Variants in RBFOX1 observed in about 807,000 individuals in gnomAD.
RBFOX1 encodes the protein RNA binding fox-1 homolog 1, also known as RNA binding protein fox-1 homolog 1.
Under a neutral mutation model 57.7 loss-of-function variants are expected in RBFOX1, and 8 were observed. The observed-to-expected ratio is 0.14, with a 90% CI of 0.08 to 0.25. The LOEUF (loss-of-function observed/expected upper bound fraction) is 0.25, where lower values mean the gene tolerates loss of function less well. RBFOX1 is among the 10% of genes least tolerant of loss of function. The pLI, the probability that RBFOX1 is intolerant of heterozygous loss-of-function variation, is 1.00. For synonymous variants in RBFOX1, 326 were observed against 222.4 expected (o/e 1.47, Z -4.15); for missense variants, 611 against 548.5 (o/e 1.11, Z -1.14).
intron 1 of RBFOX1, among the ~76,000 whole-genome samples, chr16:6,206,941 C>A (rs1008190457): frequency 6.6e-6 from 1 of 151,448 alleles, no homozygotes; most frequent in Non-Finnish European, 1.5e-5. Flanking sequence ...CCTTGTAATA[C>A]ACTTAATTCT....
At chr16:7,309,166 C>G (rs76587391) in intron 4 of RBFOX1, among the ~76,000 whole-genome samples, 6 of 152,128 alleles carry the variant, frequency 3.9e-5, no homozygotes, top group Non-Finnish European at 5.9e-5. Context: ...GGATGTCTTA[C>G]GTCGTAAATT....
At chr16:6,957,442 T>G (rs2082107233) in intron 3 of RBFOX1, among the ~76,000 whole-genome samples, 1 of 152,124 alleles carries the variant, frequency 6.6e-6, no homozygotes, top group Admixed American at 6.5e-5. Flanking sequence ...AAGGGGTGGA[T>G]TATTCATGCC....
At chr16:5,500,807 G>C (rs1026322743) in intron 2 of RBFOX1, among the ~76,000 whole-genome samples, 9 of 152,248 alleles carry the variant, frequency 5.9e-5, no homozygotes, top group Non-Finnish European at 1.2e-4. Flanking sequence ...GAGGCTAACT[G>C]GTCTCCCAGC....
At chr16:6,826,936 A>T (rs989080972) in intron 3 of RBFOX1, among the ~76,000 whole-genome samples, 1 of 152,150 alleles carries the variant, frequency 6.6e-6, no homozygotes, top group African/African-American at 2.4e-5. Flanking sequence ...TTTTGTGCAA[A>T]TGGAAGAAAT....
intron 1 of RBFOX1, among the ~76,000 whole-genome samples, chr16:5,283,205 T>G (rs556829564): frequency 6.6e-6 from 1 of 152,170 alleles, no homozygotes; most frequent in Non-Finnish European, 1.5e-5. Flanking sequence ...AGAAGATGTA[T>G]GGAAATGCCT....
chr16:7,218,079 C>G (rs112289109), intron 4 of RBFOX1, among the ~76,000 whole-genome samples: 17 of 149,770 alleles, frequency 1.1e-4, no homozygotes, highest in South Asian at 6.3e-4. Context: ...GTGTGTGCGT[C>G]TGTGTGTGTG....
At chr16:6,588,667 G>C (rs541249837) in intron 2 of RBFOX1, among the ~76,000 whole-genome samples, 1 of 152,116 alleles carries the variant, frequency 6.6e-6, no homozygotes, top group Non-Finnish European at 1.5e-5. Flanking sequence ...CAAAAAATGA[G>C]AAATGCACCT....
At chr16:6,982,725 G>A (rs1187512519) in intron 3 of RBFOX1, among the ~76,000 whole-genome samples, 7 of 152,164 alleles carry the variant, frequency 4.6e-5, no homozygotes, top group Non-Finnish European at 7.3e-5. Flanking sequence ...AGGTGCAGTG[G>A]CTCATGCCTG....
chr16:6,696,694 T>G (rs921408773), intron 3 of RBFOX1, among the ~76,000 whole-genome samples: 11 of 4,362 alleles, frequency 2.5e-3, no homozygotes, highest in Non-Finnish European at 7.4e-3. Context: ...TCAAAGGAGA[T>G]TTTTTTTTTC....
At chr16:6,579,028 C>G (rs577524212) in intron 2 of RBFOX1, among the ~76,000 whole-genome samples, 1 of 151,906 alleles carries the variant, frequency 6.6e-6, no homozygotes, top group Non-Finnish European at 1.5e-5. Flanking sequence ...CCTGTTTTCC[C>G]AAAACCTATG....
At chr16:7,690,636 C>T (rs867327694) in intron 14 of RBFOX1, among the ~76,000 whole-genome samples, 49 of 151,398 alleles carry the variant, frequency 3.2e-4, no homozygotes, top group Middle Eastern at 3.4e-3. Context: ...AGAGGCAGCC[C>T]CACTGTCCAG....
chr16:6,262,850 G>C (rs12445074), intron 1 of RBFOX1, among the ~76,000 whole-genome samples: 21,087 of 152,044 alleles, frequency 0.14, 2,435 homozygotes, highest in African/African-American at 0.31. Flanking sequence ...AACAAGGCAG[G>C]CCATCTCACA....
At chr16:5,829,693 C>G (rs1371051666) in intron 3 of RBFOX1, among the ~76,000 whole-genome samples, 3 of 152,062 alleles carry the variant, frequency 2.0e-5, no homozygotes, top group East Asian at 3.9e-4. Flanking sequence ...CGCAAGAGAA[C>G]AAAGGCATTG....
In RBFOX1 at chr16:5,536,422, A is replaced by G. The variant is rs1362406381; in HGVS notation, c.259-62480A>G. ...GCTAATTTTTGCATTTTTAGTAGAG[A>G]TGGGATTTCACCATGATTGGTCAGC... On this transcript the variant is annotated intron_variant, in intron 2 of 2. Transcript: ENST00000585867. Among the ~76,000 whole-genome samples, 3 of 151,538 alleles carry G rather than the reference A, an allele frequency of 2.0e-5. No homozygotes were observed. In the East Asian group the frequency reaches 5.8e-4, roughly 29 times the overall value.
intron 3 of RBFOX1, among the ~76,000 whole-genome samples, chr16:5,688,122 A>G (rs1441564903): frequency 6.6e-6 from 1 of 152,214 alleles, no homozygotes; most frequent in Non-Finnish European, 1.5e-5. Context: ...ATACTCTTGT[A>G]GTTCTAAGGA....
intron 3 of RBFOX1, among the ~76,000 whole-genome samples, chr16:6,935,873 A>G (rs1180251150): frequency 6.6e-6 from 1 of 152,132 alleles, no homozygotes. Context: ...GAAAGGAGGG[A>G]TGCTAGCCTG....
upstream of RBFOX1, among the ~76,000 whole-genome samples, chr16:6,017,449 G>T (rs555131814): frequency 2.6e-3 from 399 of 152,234 alleles, 1 homozygote; most frequent in South Asian, 0.01. Flanking sequence ...TGGGGGAAAT[G>T]ATTATGATGT....
intron 2 of RBFOX1, among the ~76,000 whole-genome samples, chr16:6,340,121 A>G (rs1223370425): frequency 6.6e-6 from 1 of 152,194 alleles, no homozygotes; most frequent in African/African-American, 2.4e-5. Context: ...TTAATACTTA[A>G]TTATGACCAT....
intron 4 of RBFOX1, among the ~76,000 whole-genome samples, chr16:7,294,745 G>A (rs1159656248): frequency 6.6e-6 from 1 of 151,918 alleles, no homozygotes. Context: ...AAGTGCTTAC[G>A]AGGTTTAGAT....
Sources: gnomAD v4.1 joint callset for allele counts (sites outside exome capture counted in the v4.1 genomes callset) on GRCh38, gnomAD v4.1.1 for gene constraint, MANE v1.5 for transcripts, NCBI Gene and HGNC (gene_info 2026-07-23, HGNC 2026-07-21) for gene names.